CEACAM5: variants seen among roughly 807,000 people sequenced by gnomAD.
CEACAM5 encodes CEA cell adhesion molecule 5, also known as cell adhesion molecule CEACAM5.
In CEACAM5, 52 loss-of-function variants were observed where a neutral mutation model predicts 63.0. The ratio of observed to expected loss-of-function variants is 0.83; its 90% CI spans 0.66 to 1.04. The LOEUF (loss-of-function observed/expected upper bound fraction) is 1.04. CEACAM5 is among the 50% of genes least tolerant of loss of function. The pLI is 0.00. For synonymous variants in CEACAM5, 357 were observed against 351.3 expected (o/e 1.02, Z -0.18); for missense variants, 790 against 864.8 (o/e 0.91, Z 1.08).
At chr19:41,717,864 C>T in intron 5 of CEACAM5, 131 bp downstream of exon 5, 4 of 1,239,138 alleles carry the variant, frequency 3.2e-6, no homozygotes, top group Non-Finnish European at 4.6e-6. Context: ...CTGGCCCTAC[C>T]CCCAGCAAAT....
At chr19:41,714,867 G>A in intron 2 of CEACAM5, 104 bp from the exon 3 acceptor site, 1 of 1,570,796 alleles carries the variant, frequency 6.4e-7, no homozygotes. Flanking sequence ...GTTTTTAAGG[G>A]CTCAGGTGGG....
chr19:41,722,994 G>A (rs566139228), intron 8 of CEACAM5, among the ~76,000 whole-genome samples: 65 of 152,072 alleles, frequency 4.3e-4, no homozygotes, highest in South Asian at 3.5e-3. Flanking sequence ...TGCAAGCTCC[G>A]CCTCCCGTGT....
intron 4 of CEACAM5, 87 bp from the exon 5 acceptor site, chr19:41,717,368 G>A (rs2072542796): frequency 1.4e-6 from 2 of 1,421,138 alleles, no homozygotes; most frequent in Non-Finnish European, 1.9e-6. Context: ...GGGCTGAGAG[G>A]TGGGAGATGC....
At chr19:41,710,249 A>T (rs1168406989) in intron 2 of CEACAM5, among the ~76,000 whole-genome samples, 1 of 152,208 alleles carries the variant, frequency 6.6e-6, no homozygotes, top group African/African-American at 2.4e-5. Flanking sequence ...CACTCACTGC[A>T]GAGGAAGGAC....
chr19:41,728,690 G>A (rs199651591), intron 9 of CEACAM5, among the ~76,000 whole-genome samples: 1 of 150,282 alleles, frequency 6.7e-6, no homozygotes, highest in East Asian at 1.9e-4. Context: ...AGAAGGCTGA[G>A]GCAGGAGAAT....
chr19:41,720,235 C>A, intron 7 of CEACAM5, 27 bp downstream of exon 7: 1 of 1,605,288 alleles, frequency 6.2e-7, no homozygotes, highest in South Asian at 1.1e-5. Flanking sequence ...CCTCTGTGGC[C>A]CTGGTTTCCA....
At chr19:41,723,032 C>A (rs530320438) in intron 8 of CEACAM5, among the ~76,000 whole-genome samples, 160 of 152,122 alleles carry the variant, frequency 1.1e-3, no homozygotes, top group African/African-American at 3.7e-3. Context: ...CTCAGCCTCC[C>A]GAGTAGCTGG....
chr19:41,718,654 AG>A (rs1465484433), intron 6 of CEACAM5, among the ~76,000 whole-genome samples: 1 of 152,178 alleles, frequency 6.6e-6, no homozygotes, highest in East Asian at 1.9e-4. Flanking sequence ...GGCTTCACAG[AG>A]GGGGAAGCAA....
At chr19:41,719,276 T>G (rs562221138) in intron 6 of CEACAM5, among the ~76,000 whole-genome samples, 1 of 152,226 alleles carries the variant, frequency 6.6e-6, no homozygotes, top group Non-Finnish European at 1.5e-5. Flanking sequence ...TTAACCTTTC[T>G]ATGTATGCAG....
intron 8 of CEACAM5, among the ~76,000 whole-genome samples, chr19:41,723,483 G>T (rs2072656058): frequency 6.6e-6 from 1 of 152,054 alleles, no homozygotes; most frequent in Admixed American, 6.5e-5. Flanking sequence ...CTCTACTTTA[G>T]TCCTTTGTCC....
In CEACAM5 at chr19:41,727,274, C is replaced by T. The variant is rs1445524498; in HGVS notation, c.2067C>T (p.Val689=). The T allele has an allele frequency of 3.7e-6, 6 of 1,613,940 alleles. No individual in the cohort carries two copies. The highest frequency in any genetic ancestry group is 1.1e-5 in the South Asian group (1 of 91,080). ...CTGGTCTCTCAGCTGGGGCCACTGT[C>T]GGCATCATGATTGGAGTGCTGGTTG... ...TSPGLSAGAT[V]GIMIGVLVGV... Residue 689 remains valine, a synonymous_variant, in exon 9 of 10, where the codon GTC becomes GTT. Coordinates refer to ENST00000221992, the MANE Select transcript of CEACAM5 (RefSeq NM_004363.6).
chr19:41,715,226 A>G lies in CEACAM5; in HGVS notation c.680A>G (p.Asp227Gly), dbSNP rs2072502405. ...AACCCAGTGAGTGCCAGGCGCAGTG[A>G]TTCAGTCATCCTGAATGTCCTCTGT... ...TQNPVSARRS[D>G]SVILNVLYGP... The change falls in exon 3 of 10, where the codon GAT becomes GGT. Residue 227 changes from aspartate to glycine, a missense_variant. Coordinates refer to ENST00000221992, the MANE Select transcript of CEACAM5 (RefSeq NM_004363.6). The G allele has an allele frequency of 1.9e-6, 3 of 1,614,086 alleles. No homozygotes were observed. The African/African-American group carries it at 4.0e-5, about 22-fold the overall frequency.
intron 1 of CEACAM5, 37 bp from the exon 2 acceptor site, chr19:41,709,643 G>T (rs1555813532): frequency 2.5e-6 from 4 of 1,592,180 alleles, no homozygotes; most frequent in Middle Eastern, 1.7e-4. Context: ...TAATGCATAG[G>T]TCCCAATATT....
At chr19:41,724,463 C>T (rs2072670142) in intron 8 of CEACAM5, among the ~76,000 whole-genome samples, 1 of 152,098 alleles carries the variant, frequency 6.6e-6, no homozygotes, top group African/African-American at 2.4e-5. Context: ...TCCTGAGATT[C>T]CATATGAATT....
Position 41,709,780 on chromosome 19 carries a change from C to A in CEACAM5, c.165C>A (p.Val55=). 6.2e-7 allele frequency: 1 copy of A among 1,614,130 alleles called. No homozygotes were observed. The highest frequency in any genetic ancestry group is 8.5e-7 in the Non-Finnish European group (1 of 1,180,020). ...AGGGGAAGGAGGTGCTTCTACTTGT[C>A]CACAATCTGCCCCAGCATCTTTTTG... ...VAEGKEVLLL[V]HNLPQHLFGY... Residue 55 remains valine, a synonymous_variant, in exon 2 of 10, where the codon GTC becomes GTA. Transcript: ENST00000221992.
intron 7 of CEACAM5, among the ~76,000 whole-genome samples, chr19:41,720,632 G>A (rs906692332): frequency 1.3e-5 from 2 of 148,848 alleles, no homozygotes; most frequent in Middle Eastern, 3.6e-3. Flanking sequence ...TCAGCCTCCC[G>A]AGTAACTGGG....
chr19:41,719,405 CCCA>C (rs1555815691), intron 6 of CEACAM5, among the ~76,000 whole-genome samples: 1 of 152,180 alleles, frequency 6.6e-6, no homozygotes, highest in African/African-American at 2.4e-5. Context: ...GGTAGAGCTG[CCCA>C]CCTGTGGCCC....
At chr19:41,710,704 G>A (rs968031894) in intron 2 of CEACAM5, among the ~76,000 whole-genome samples, 5 of 152,164 alleles carry the variant, frequency 3.3e-5, no homozygotes, top group African/African-American at 9.7e-5. Context: ...GTGACTCCAT[G>A]GGAAGCTCAG....
In CEACAM5 at chr19:41,726,328, T is replaced by C. The variant is rs116797277; in HGVS notation, c.2027-906T>C. ...AATCATGCCTACCCAACAGGGTTAT[T>C]GTATGGATCAAATGAGATGCCAGAA... On this transcript the variant is annotated intron_variant, in intron 8 of 9. Transcript: ENST00000221992. 2.8e-3 allele frequency among the ~76,000 whole-genome samples: 420 copies of C among 152,296 alleles called. 1 individual carries two copies. Among genetic ancestry groups the C allele is most frequent in the African/African-American group, 9.7e-3 (402 of 41,562 alleles).
Sources: allele counts gnomAD v4.1 joint callset (sites outside exome capture counted in the v4.1 genomes callset), GRCh38; gene constraint gnomAD v4.1.1; transcripts MANE v1.5; gene names NCBI Gene and HGNC (gene_info 2026-07-23, HGNC 2026-07-21).